Variants in PHACTR2 observed in about 807,000 individuals in gnomAD.
The protein encoded by PHACTR2 is phosphatase and actin regulator 2.
Under a neutral mutation model 76.0 loss-of-function variants are expected in PHACTR2, and 30 were observed. The ratio of observed to expected loss-of-function variants is 0.39; its 90% CI spans 0.30 to 0.54. The LOEUF (loss-of-function observed/expected upper bound fraction) is 0.54, where lower values mean the gene tolerates loss of function less well. PHACTR2 is among the 20% of genes least tolerant of loss of function. The probability of loss-of-function intolerance (pLI) is 0.61; values close to 1 mark genes in which losing one functional copy is unlikely to be tolerated. For synonymous variants in PHACTR2, 292 were observed against 292.5 expected, an observed-to-expected ratio of 1.00 and a Z score of 0.02; for missense variants, 696 against 781.1, an observed-to-expected ratio of 0.89 and a Z score of 1.30.
intron 2 of PHACTR2, among the ~76,000 whole-genome samples, chr6:143,732,891 GATTTATTT>G (rs1157093067): frequency 6.6e-6 from 1 of 151,794 alleles, no homozygotes; most frequent in East Asian, 1.9e-4. Context: ...TTTCTTTTCT[GATTTATTT>G]ATTTATTTGA....
chr6:143,760,061 C>G lies in PHACTR2; in HGVS notation c.455-340C>G, dbSNP rs1272177050. 6.6e-6 allele frequency among the ~76,000 whole-genome samples: 1 copy of G among 152,188 alleles called. No homozygotes were observed. Among genetic ancestry groups the G allele is most frequent in the Non-Finnish European group, 1.5e-5 (1 of 68,032 alleles). The stretch of plus-strand genomic sequence containing the variant: ...CATTGTTTGTTCAATTTAAATGTAG[C>G]ACTTCATGCCCACATCATCATCCAG... On this transcript the variant is annotated intron_variant, in intron 4 of 12. Coordinates refer to ENST00000440869, the MANE Select transcript of PHACTR2 (RefSeq NM_001100164.2). This position sits in a 1 kb window ranked among gnomAD's most constrained non-coding sequence, Gnocchi z 6.4.
chr6:143,777,341 A>C lies in PHACTR2; in HGVS notation c.1603A>C (p.Arg535=). 6.3e-7 allele frequency: 1 copy of C among 1,599,280 alleles called. No homozygotes were observed. The highest frequency in any genetic ancestry group is 8.6e-7 in the Non-Finnish European group (1 of 1,168,312). Residue 535 remains arginine (R), a synonymous_variant, in exon 9 of 13, where the codon AGG becomes CGG. Coordinates refer to ENST00000440869, the MANE Select transcript of PHACTR2 (RefSeq NM_001100164.2). This position sits in a 1 kb window ranked among gnomAD's most constrained non-coding sequence, Gnocchi z 4.6. ...GTKLVRRLSQ[R]PTTEELEQRN... ...TTGTCATCATAGGAGGCTGAGCCAG[A>C]GGCCCACAACTGAAGAATTAGAGCA...
At chr6:143,657,841 G>A (rs1776876166) in intron 1 of PHACTR2, among the ~76,000 whole-genome samples, 1 of 152,142 alleles carries the variant, frequency 6.6e-6, no homozygotes. Flanking sequence ...TGGTATCTCG[G>A]GCAAGCCTGC....
intron 4 of PHACTR2, among the ~76,000 whole-genome samples, chr6:143,759,578 G>A (rs755335936): frequency 6.0e-5 from 9 of 150,580 alleles, no homozygotes; most frequent in African/African-American, 2.0e-4. Flanking sequence ...GCAGTGAGCC[G>A]TGATCATACC....
At chr6:143,812,270 C>G (rs770892756) in intron 12 of PHACTR2, among the ~76,000 whole-genome samples, 1 of 152,166 alleles carries the variant, frequency 6.6e-6, no homozygotes, top group Non-Finnish European at 1.5e-5. Context: ...ACAACTCACC[C>G]TTTTGAACCT....
At position 143,619,940 on chromosome 6, in the gene PHACTR2, C is replaced by T. The variant is rs1172522914; in HGVS notation, c.13+11618C>T. ...ATGCTTGCTTGTGGTACTTACAGAA[C>T]ATGTCACTCGGTCGGGGGTGGGGGG... On this transcript the variant is annotated intron_variant, in intron 1 of 11. Transcript: ENST00000305766. The surrounding 1 kb of genome is among the most constrained non-coding windows in gnomAD (Gnocchi z 4.5). Among the ~76,000 whole-genome samples, 3 of 138,910 alleles carry T rather than the reference C, an allele frequency of 2.2e-5. No individual in the cohort carries two copies. Among genetic ancestry groups the T allele is most frequent in the Non-Finnish European group, 4.8e-5 (3 of 62,648 alleles). 91.1% of individuals were successfully genotyped at this position (138,910 alleles called of 152,430 possible).
chr6:143,688,360 G>T lies in PHACTR2; in HGVS notation c.46+10151G>T, dbSNP rs1777568376. Among the ~76,000 whole-genome samples, 1 of 152,056 alleles carries T rather than the reference G, an allele frequency of 6.6e-6. No homozygotes were observed. Among genetic ancestry groups the T allele is most frequent in the Non-Finnish European group, 1.5e-5 (1 of 68,020 alleles). ...TGGGGTGAGGGGTGGGTAGAGAAAT[G>T]GGAGTAGGGTCTCACCCAACTCTCA... On this transcript the variant is annotated intron_variant, in intron 1 of 12. Coordinates refer to ENST00000440869, the MANE Select transcript of PHACTR2 (RefSeq NM_001100164.2). The surrounding 1 kb of genome is among the most constrained non-coding windows in gnomAD (Gnocchi z 5.2).
chr6:143,748,823 G>T (rs556422481), intron 2 of PHACTR2, 162 bp from the exon 3 acceptor site: 6 of 524,296 alleles, frequency 1.1e-5, no homozygotes, highest in Non-Finnish European at 2.0e-5. Context: ...TGTCATAGCT[G>T]TGTTGATTCC....
In PHACTR2 at chr6:143,539,395, C is replaced by T. The variant is rs1382130308; in HGVS notation, c.217+2188C>T. Among the ~76,000 whole-genome samples, 1 of 152,184 alleles carries T rather than the reference C, an allele frequency of 6.6e-6. No individual in the cohort carries two copies. Among genetic ancestry groups the T allele is most frequent in the East Asian group, 1.9e-4 (1 of 5,196 alleles). On this transcript the variant is annotated intron_variant, in intron 1 of 11. Coordinates refer to the PHACTR2 transcript ENST00000367584. The surrounding 1 kb of genome is among the most constrained non-coding windows in gnomAD (Gnocchi z 4.3). ...CAGACTAAATGTGATCAGGAGCTCC[C>T]TGCTCTTAGAGTCAGAGAGAAAAAG...
At chr6:143,643,888 A>G (rs1329761501) in intron 1 of PHACTR2, among the ~76,000 whole-genome samples, 4 of 152,214 alleles carry the variant, frequency 2.6e-5, no homozygotes, top group Non-Finnish European at 5.9e-5. Context: ...TCTCCTTTGT[A>G]CAAGCCCCTC....
rs781179766 is a variant in PHACTR2, at chr6:143,712,187, T to C, written c.214+4T>C. 1 of 1,485,600 alleles carries C rather than the reference T, an allele frequency of 6.7e-7. No individual in the cohort carries two copies. The highest frequency in any genetic ancestry group is 1.5e-5 in the South Asian group (1 of 68,216). The allele number at this position is 1,485,600 out of a possible 1,614,324, so 92.0% of individuals were successfully genotyped here. ...AAATTTAGAGAAACCTCGGCAGGTA[T>C]GAGTATCATAACTTGTTAGAAGATG... On this transcript the variant is annotated splice_donor_region_variant and intron_variant, in intron 2 of 12. Coordinates refer to ENST00000440869, the MANE Select transcript of PHACTR2 (RefSeq NM_001100164.2).
intron 1 of PHACTR2, among the ~76,000 whole-genome samples, chr6:143,666,565 C>T (rs1303602131): frequency 6.6e-6 from 1 of 152,184 alleles, no homozygotes; most frequent in Non-Finnish European, 1.5e-5. Context: ...TTAATGATCG[C>T]CATTCTAACT....
At chr6:143,636,396 C>T (rs1776455734) in intron 1 of PHACTR2, among the ~76,000 whole-genome samples, 1 of 152,028 alleles carries the variant, frequency 6.6e-6, no homozygotes. Context: ...CATTAATTTT[C>T]TGATTCATTT....
At chr6:143,636,155 A>C (rs1776449211) in intron 1 of PHACTR2, among the ~76,000 whole-genome samples, 2 of 151,848 alleles carry the variant, frequency 1.3e-5, no homozygotes, top group Non-Finnish European at 2.9e-5. Flanking sequence ...CAGAGGTTGC[A>C]GTGAGCTGAG....
chr6:143,667,308 G>A (rs1466666005), intron 1 of PHACTR2, among the ~76,000 whole-genome samples: 16 of 152,210 alleles, frequency 1.1e-4, no homozygotes, highest in South Asian at 4.1e-4. Context: ...AAGTCAGGTA[G>A]TGTGATGCCT....
At chr6:143,563,397 T>TACTAAAAAA (rs1285077612) in intron 1 of PHACTR2, among the ~76,000 whole-genome samples, 7 of 27,288 alleles carry the variant, frequency 2.6e-4, no homozygotes, top group Non-Finnish European at 8.9e-4. Context: ...ACCGCATCTC[T>TACTAAAAAA]ACGAAAAATT....
intron 1 of PHACTR2, among the ~76,000 whole-genome samples, chr6:143,600,704 A>ACTATTGAGTG (rs1227500452): frequency 6.6e-6 from 1 of 152,216 alleles, no homozygotes; most frequent in Non-Finnish European, 1.5e-5. Flanking sequence ...TCATACCAAG[A>ACTATTGAGTG]CTATTGAGTG....
Position 143,664,886 on chromosome 6 carries a change from C to A in PHACTR2, c.14-47130C>A, listed in dbSNP as rs551714669. Among the ~76,000 whole-genome samples, 33 of 152,240 alleles carry A rather than the reference C, an allele frequency of 2.2e-4. No homozygotes were observed. Among genetic ancestry groups the A allele is most frequent in the Non-Finnish European group, 3.7e-4 (25 of 68,032 alleles). ...CAATCTCGGTTCACTGCAACCTCTG[C>A]CTCCCTGGTTCAAGTGATTCCCCTG... On this transcript the variant is annotated intron_variant, in intron 1 of 11. Coordinates refer to the PHACTR2 transcript ENST00000305766. This position sits in a 1 kb window ranked among gnomAD's most constrained non-coding sequence, Gnocchi z 5.1.
chr6:143,624,033 A>G lies in PHACTR2; in HGVS notation c.13+15711A>G, dbSNP rs1268165607. 1.4e-5 allele frequency among the ~76,000 whole-genome samples: 2 copies of G among 144,882 alleles called. No individual in the cohort carries two copies. Among genetic ancestry groups the G allele is most frequent in the Non-Finnish European group, 3.0e-5 (2 of 65,610 alleles). ...CCCACTCCCCACCCTGCCCCAGTGT[A>G]AGCTATTATTGAACTTGTTTCTTTG... On this transcript the variant is annotated intron_variant, in intron 1 of 11. Coordinates refer to the PHACTR2 transcript ENST00000305766. This position sits in a 1 kb window ranked among gnomAD's most constrained non-coding sequence, Gnocchi z 4.6.
Sources: gnomAD v4.1 joint callset for allele counts (sites outside exome capture counted in the v4.1 genomes callset) on GRCh38, gnomAD v4.1.1 for gene constraint, Gnocchi (gnomAD v3.1) non-coding constraint, MANE v1.5 for transcripts, NCBI Gene and HGNC (gene_info 2026-07-23, HGNC 2026-07-21) for gene names.